The following SLC4A10 variants were observed in gnomAD, a reference collection of about 807,000 sequenced individuals.
SLC4A10 encodes solute carrier family 4 member 10, also known as sodium-driven chloride bicarbonate exchanger.
In SLC4A10, 42 loss-of-function variants were observed where a neutral mutation model predicts 137.7. The observed-to-expected ratio is 0.30, with a 90% confidence interval of 0.24 to 0.39. The LOEUF (loss-of-function observed/expected upper bound fraction) is 0.39. SLC4A10 is among the 10% of genes least tolerant of loss of function. The pLI is 1.00. For missense variants in SLC4A10, 925 were observed against 1,355.0 expected, an observed-to-expected ratio of 0.68 and a Z score of 4.98; for synonymous variants, 474 against 464.1, an observed-to-expected ratio of 1.02 and a Z score of -0.27.
chr2:161,917,777 G>A (rs2105471004), intron 15 of SLC4A10, among the ~76,000 whole-genome samples: 1 of 152,190 alleles, frequency 6.6e-6, no homozygotes, highest in South Asian at 2.1e-4. Flanking sequence ...TAGAGTGAAG[G>A]GATCATTAGG....
chr2:161,773,090 A>G (rs1374431153), intron 2 of SLC4A10, among the ~76,000 whole-genome samples: 1 of 151,900 alleles, frequency 6.6e-6, no homozygotes, highest in Admixed American at 6.6e-5. Flanking sequence ...TGGATAATTT[A>G]TAAAGAAAAG....
chr2:161,688,104 G>A (rs1398007348), intron 1 of SLC4A10, among the ~76,000 whole-genome samples: 1 of 152,046 alleles, frequency 6.6e-6, no homozygotes, highest in Non-Finnish European at 1.5e-5. Context: ...AAGAATAAAA[G>A]GAAATGGGCT....
intron 1 of SLC4A10, among the ~76,000 whole-genome samples, chr2:161,763,187 C>A (rs1373803169): frequency 6.6e-6 from 1 of 151,926 alleles, no homozygotes; most frequent in Non-Finnish European, 1.5e-5. Context: ...TCTTCCCTAC[C>A]ATTTTCTACT....
intron 1 of SLC4A10, among the ~76,000 whole-genome samples, chr2:161,763,709 G>C (rs145446197): frequency 8.0e-4 from 122 of 152,238 alleles, no homozygotes; most frequent in Non-Finnish European, 1.4e-3. Context: ...CAACCCTCTG[G>C]CATGGTCTCT....
intron 3 of SLC4A10, among the ~76,000 whole-genome samples, chr2:161,822,135 G>A (rs2057678164): frequency 1.3e-5 from 2 of 152,206 alleles, no homozygotes; most frequent in South Asian, 4.1e-4. Flanking sequence ...TGTGTAGTGA[G>A]TAAGCCTCAT....
intron 2 of SLC4A10, among the ~76,000 whole-genome samples, chr2:161,791,490 G>A (rs2054204231): frequency 6.6e-6 from 1 of 152,110 alleles, no homozygotes; most frequent in African/African-American, 2.4e-5. Context: ...GGAGGAGGGA[G>A]CACATCAGGA....
intron 3 of SLC4A10, among the ~76,000 whole-genome samples, chr2:161,834,705 C>T (rs1042857115): frequency 1.5e-5 from 2 of 135,498 alleles, no homozygotes; most frequent in African/African-American, 2.9e-5. Context: ...ACACACAAAA[C>T]CTATTAACAC....
Position 161,818,356 on chromosome 2 carries a change from C to T in SLC4A10, c.277+13761C>T, listed in dbSNP as rs545152808. On this transcript the variant is annotated intron_variant, in intron 3 of 26. Transcript: ENST00000446997. ...TGTATCCTGAGACTTGTTGTAGTTG[C>T]TTATCAGCTTAAGGAGATTTTGGGC... Among the ~76,000 whole-genome samples the T allele has an allele frequency of 7.2e-5, 11 of 152,198 alleles. No individual in the cohort carries two copies. The South Asian group carries it at 2.3e-3, about 32-fold the overall frequency.
intron 5 of SLC4A10, among the ~76,000 whole-genome samples, chr2:161,857,551 A>C (rs951478197): frequency 6.6e-6 from 1 of 152,170 alleles, no homozygotes; most frequent in African/African-American, 2.4e-5. Flanking sequence ...GAAAACTATA[A>C]TTTGGCTAAA....
chr2:161,629,152 T>C (rs146640623), intron 1 of SLC4A10, among the ~76,000 whole-genome samples: 1,964 of 152,060 alleles, frequency 0.013, 18 homozygotes, highest in Non-Finnish European at 0.018. Context: ...CCATATCACA[T>C]AGGACACATG....
At chr2:161,928,952 G>C (rs569594687) in intron 15 of SLC4A10, among the ~76,000 whole-genome samples, 20 of 152,006 alleles carry the variant, frequency 1.3e-4, no homozygotes, top group South Asian at 1.0e-3. Context: ...TTTCTCCCTC[G>C]TTATGTTACT....
intron 1 of SLC4A10, among the ~76,000 whole-genome samples, chr2:161,624,927 A>T (rs2031978887): frequency 6.6e-6 from 1 of 152,068 alleles, no homozygotes; most frequent in South Asian, 2.1e-4. Flanking sequence ...CTTGCAGAGA[A>T]GCCCCCTTTT....
chr2:161,884,833 G>A (rs556814180), intron 10 of SLC4A10, among the ~76,000 whole-genome samples: 92 of 152,310 alleles, frequency 6.0e-4, no homozygotes, highest in African/African-American at 2.1e-3. Context: ...ATTTCTCAAA[G>A]CCTCGGTGAG....
At chr2:161,862,788 C>T (rs1484182760) in intron 5 of SLC4A10, 86 bp from the exon 6 acceptor site, 1 of 1,007,652 alleles carries the variant, frequency 9.9e-7, no homozygotes, top group African/African-American at 1.7e-5. Context: ...TTGTTTAGGG[C>T]TTGCATATTT....
intron 1 of SLC4A10, among the ~76,000 whole-genome samples, chr2:161,648,850 TTCTC>T (rs1489142716): frequency 1.3e-5 from 2 of 152,240 alleles, no homozygotes; most frequent in Non-Finnish European, 2.9e-5. Context: ...GTGTAACTAT[TTCTC>T]TATTGATGGG....
At chr2:161,824,618 A>G (rs1452955443) in intron 3 of SLC4A10, among the ~76,000 whole-genome samples, 1 of 152,226 alleles carries the variant, frequency 6.6e-6, no homozygotes, top group Non-Finnish European at 1.5e-5. Flanking sequence ...GCCAGAAGAT[A>G]AGGAAGAAAA....
intron 7 of SLC4A10, 74 bp from the exon 8 acceptor site, chr2:161,873,842 T>G: frequency 7.0e-7 from 1 of 1,433,234 alleles, no homozygotes; most frequent in Non-Finnish European, 9.5e-7. Flanking sequence ...ACGTGCATGC[T>G]CTCCCTCTGG....
At chr2:161,920,086 A>G (rs1465005080) in intron 15 of SLC4A10, among the ~76,000 whole-genome samples, 1 of 152,180 alleles carries the variant, frequency 6.6e-6, no homozygotes, top group Non-Finnish European at 1.5e-5. Context: ...CAGTGGCCAG[A>G]CCATATGCTT....
In SLC4A10 at chr2:161,911,597, G is replaced by A. The variant is rs539673151; in HGVS notation, c.1997+5710G>A. Among the ~76,000 whole-genome samples the A allele has an allele frequency of 3.3e-5, 5 of 152,088 alleles. No individual in the cohort carries two copies. The Middle Eastern group carries it at 0.017, about 517-fold the overall frequency. On this transcript the variant is annotated intron_variant, in intron 15 of 26. Coordinates refer to ENST00000446997, the MANE Select transcript of SLC4A10 (RefSeq NM_001178015.2). ...CACTTGACTAGATTTATCCAGAATTGCTTGCAACATAACATGACAATTATA... is the reference window on the plus strand; with the variant it reads ...CACTTGACTAGATTTATCCAGAATTACTTGCAACATAACATGACAATTATA...
Sources: gnomAD v4.1 joint callset for allele counts (sites outside exome capture counted in the v4.1 genomes callset) on GRCh38, gnomAD v4.1.1 for gene constraint, MANE v1.5 for transcripts, NCBI Gene and HGNC (gene_info 2026-07-23, HGNC 2026-07-21) for gene names.